The following MBD3L2B variants were observed in gnomAD, a reference collection of about 807,000 sequenced individuals.
MBD3L2B encodes the protein methyl-CpG-binding domain protein 3-like 2B.
For missense variants in MBD3L2B, 127 were observed against 78.7 expected, an observed-to-expected ratio of 1.61 and a Z score of -2.32; for synonymous variants, 50 against 31.6, an observed-to-expected ratio of 1.58 and a Z score of -1.95.
Position 7,019,315 on chromosome 19 carries a change from G to C in MBD3L2B, c.461C>G (p.Thr154Ser). 1.4e-6 allele frequency: 1 copy of C among 691,168 alleles called. No individual in the cohort carries two copies. Among genetic ancestry groups the C allele is most frequent in the African/African-American group, 1.9e-5 (1 of 53,906 alleles). 42.8% of individuals were successfully genotyped at this position (691,168 alleles called of 1,614,324 possible). The change falls in exon 2 of 2, where the codon ACC becomes AGC. Residue 154 changes from threonine (T) to serine (S), a missense_variant. Physicochemically the swap from Thr to Ser is moderately conservative, Grantham distance 58. Coordinates refer to ENST00000636986, the MANE Select transcript of MBD3L2B (RefSeq NM_001364674.2). ...GRFPAVAGGPTPGMGCQLPPP... is the reference protein window; with the variant it reads ...GRFPAVAGGPSPGMGCQLPPP... ...TGGGAGCTGACAACCCATTCCTGGG[G>C]TTGGCCCCCCTGCCACAGCTGGAAA... is the stretch of plus-strand genomic sequence containing the variant.
chr19:7,018,977 C>T lies in MBD3L2B; in HGVS notation c.*184G>A. On this transcript the variant is annotated 3_prime_UTR_variant, in exon 2 of 2. Coordinates refer to ENST00000636986, the MANE Select transcript of MBD3L2B (RefSeq NM_001364674.2). ...ATCCACTCCTTACACTGTTGCCTTT[C>T]AAATGCTTTTAATAAAGAACTGGTG... 1.5e-6 allele frequency: 1 copy of T among 653,222 alleles called. No homozygotes were observed. The highest frequency in any genetic ancestry group is 2.8e-6 in the Non-Finnish European group (1 of 363,332). The allele number at this position is 653,222 out of a possible 1,614,324, so 40.5% of individuals were successfully genotyped here.
Position 7,019,501 on chromosome 19 carries a change from C to T in MBD3L2B, c.275G>A (p.Arg92Lys). The T allele has an allele frequency of 2.1e-6, 1 of 482,028 alleles. No individual in the cohort carries two copies. The highest frequency in any genetic ancestry group is 3.5e-6 in the Non-Finnish European group (1 of 285,570). 29.9% of individuals were successfully genotyped at this position (482,028 alleles called of 1,614,324 possible). The change falls in exon 2 of 2, where the codon AGA becomes AAA. Residue 92 changes from arginine (R) to lysine (K), a missense_variant. Coordinates refer to ENST00000636986, the MANE Select transcript of MBD3L2B (RefSeq NM_001364674.2). ...GCTGCAGGGCTGCAGGGCCTGCAGT[C>T]TCCGGTAGGCGCAGAGTTGCTGCGG... ...EKPQQLCAYR[R>K]LQALQPCSSQ... is the part of the protein sequence containing the mutation.
At position 7,019,617 on chromosome 19, in the gene MBD3L2B, G is replaced by A. The variant is rs1370012477; in HGVS notation, c.159C>T (p.Thr53=). The change falls in exon 2 of 2, where the codon ACC becomes ACT. Residue 53 remains threonine, a synonymous_variant. Transcript: ENST00000636986. ...TCACCGGCCTCCGGAAGATGCAGCT[G>A]GTGAGTCTCATGGGGAGAGCAGACC... is the stretch of plus-strand genomic sequence containing the variant. ...AARSALPMRL[T]SCIFRRPVTR... 1 of 408,702 alleles carries A rather than the reference G, an allele frequency of 2.4e-6. No homozygotes were observed. Among genetic ancestry groups the A allele is most frequent in the East Asian group, 3.7e-5 (1 of 27,250 alleles). The allele number at this position is 408,702 out of a possible 1,614,324, so 25.3% of individuals were successfully genotyped here. A position where few individuals can be genotyped will look rare whatever the true frequency, so the allele number is the denominator to read the frequency against.
At position 7,019,424 on chromosome 19, in the gene MBD3L2B, G is replaced by A. The variant is rs1253354997; in HGVS notation, c.352C>T (p.Leu118Phe). The change falls in exon 2 of 2, where the codon CTT becomes TTT. Residue 118 changes from leucine (L) to phenylalanine (F), a missense_variant. Physicochemically the swap from Leu to Phe is conservative, Grantham distance 22. Transcript: ENST00000636986. ...GATTCACCGGCCGTCCCCGGTGCAA[G>A]GATACTTAAGACGCTCTCCAAATGC... ...PLHLESVLSI[L>F]APGTAGESLD... 3 of 591,088 alleles carry A rather than the reference G, an allele frequency of 5.1e-6. No individual in the cohort carries two copies. Among genetic ancestry groups the A allele is most frequent in the Non-Finnish European group, 9.0e-6 (3 of 334,166 alleles). The allele number at this position is 591,088 out of a possible 1,614,324, so 36.6% of individuals were successfully genotyped here.
In MBD3L2B at chr19:7,019,044, G is replaced by T. The variant is rs549656209; in HGVS notation, c.*117C>A. 1.7e-5 allele frequency: 12 copies of T among 699,204 alleles called. No homozygotes were observed. Among genetic ancestry groups the T allele is most frequent in the Admixed American group, 1.0e-4 (5 of 49,020 alleles). The allele number at this position is 699,204 out of a possible 1,614,324, so 43.3% of individuals were successfully genotyped here. Reference sequence around the variant, plus strand: ...GACAATTCATAGCAGGAAAGAGGACGGGCATTAAAAGATAGGGATTCAAAA... The same window carrying T: ...GACAATTCATAGCAGGAAAGAGGACTGGCATTAAAAGATAGGGATTCAAAA... On this transcript the variant is annotated 3_prime_UTR_variant, in exon 2 of 2. Coordinates refer to ENST00000636986, the MANE Select transcript of MBD3L2B (RefSeq NM_001364674.2).
rs187552001 is a variant in MBD3L2B at position 7,019,011 on chromosome 19, C to A, written c.*150G>T. The A allele has an allele frequency of 3.8e-4, 253 of 674,418 alleles. 1 individual carries two copies. In the East Asian group the frequency reaches 6.1e-3, roughly 16 times the overall value. 41.8% of individuals were successfully genotyped at this position (674,418 alleles called of 1,614,324 possible). ...TTAATAAAGAACTGGTGGGGAAGTA[C>A]AAAGTGTGACAATTCATAGCAGGAA... is the stretch of plus-strand genomic sequence containing the variant. On this transcript the variant is annotated 3_prime_UTR_variant, in exon 2 of 2. Coordinates refer to ENST00000636986, the MANE Select transcript of MBD3L2B (RefSeq NM_001364674.2).
At position 7,019,171 on chromosome 19, in the gene MBD3L2B, G is replaced by A. The variant is rs1437089345; in HGVS notation, c.605C>T (p.Ala202Val). Residue 202 changes from alanine to valine, a missense_variant, in exon 2 of 2, where the codon GCA becomes GTA. By Grantham distance (64) the Ala-to-Val change is moderately conservative (BLOSUM62 0). Transcript: ENST00000636986. ...ALQADRLARR[A>V]EM ...CACTTCATCCACCTGTCACATTTCT[G>A]CCCGCCTGGCCAGCCTGTCTGCCTG... The A allele has an allele frequency of 2.8e-6, 2 of 718,980 alleles. No homozygotes were observed. Among genetic ancestry groups the A allele is most frequent in the South Asian group, 1.5e-5 (1 of 67,634 alleles). 44.5% of individuals were successfully genotyped at this position (718,980 alleles called of 1,614,324 possible).
Position 7,019,091 on chromosome 19 carries a change from T to C in MBD3L2B, c.*70A>G, listed in dbSNP as rs1976760066. ...AAAACCCAGGACTGTCCCCACTGAC[T>C]CACCCCCCAACTGCGGGGCCACACC... On this transcript the variant is annotated 3_prime_UTR_variant, in exon 2 of 2. Coordinates refer to ENST00000636986, the MANE Select transcript of MBD3L2B (RefSeq NM_001364674.2). The C allele has an allele frequency of 1.4e-6, 1 of 716,592 alleles. No individual in the cohort carries two copies. Among genetic ancestry groups the C allele is most frequent in the Middle Eastern group, 2.3e-4 (1 of 4,336 alleles). The allele number at this position is 716,592 out of a possible 1,614,324, so 44.4% of individuals were successfully genotyped here. A position where few individuals can be genotyped will look rare whatever the true frequency, so the allele number is the denominator to read the frequency against.
Position 7,019,292 on chromosome 19 carries a change from G to A in MBD3L2B, c.484C>T (p.Pro162Ser). The change falls in exon 2 of 2, where the codon CCA becomes TCA. Residue 162 changes from proline (P) to serine (S), a missense_variant. Coordinates refer to ENST00000636986, the MANE Select transcript of MBD3L2B (RefSeq NM_001364674.2). ...GPTPGMGCQL[P>S]PPLSGQLVTP... ...ACCAATTGGCCAGAGAGGGGCGGTG[G>A]GAGCTGACAACCCATTCCTGGGGTT... 1.4e-6 allele frequency: 1 copy of A among 702,028 alleles called. No individual in the cohort carries two copies. The highest frequency in any genetic ancestry group is 2.6e-6 in the Non-Finnish European group (1 of 381,248). The allele number at this position is 702,028 out of a possible 1,614,324, so 43.5% of individuals were successfully genotyped here. A position where few individuals can be genotyped will look rare whatever the true frequency, so the allele number is the denominator to read the frequency against.
chr19:7,019,119 A>G lies in MBD3L2B; in HGVS notation c.*42T>C. The G allele has an allele frequency of 1.4e-6, 1 of 718,314 alleles. No homozygotes were observed. The highest frequency in any genetic ancestry group is 2.6e-6 in the Non-Finnish European group (1 of 385,074). 44.5% of individuals were successfully genotyped at this position (718,314 alleles called of 1,614,324 possible). On this transcript the variant is annotated 3_prime_UTR_variant, in exon 2 of 2. Coordinates refer to ENST00000636986, the MANE Select transcript of MBD3L2B (RefSeq NM_001364674.2). ...CCCCCCAACTGCGGGGCCACACCCCACAGCTTCTCAGCACCCCCTCCTCCT... is the reference window on the plus strand; with the variant it reads ...CCCCCCAACTGCGGGGCCACACCCCGCAGCTTCTCAGCACCCCCTCCTCCT...
In MBD3L2B at chr19:7,018,989, A is replaced by T. The variant is rs978164808; in HGVS notation, c.*172T>A. ...CACTGTTGCCTTTCAAATGCTTTTAATAAAGAACTGGTGGGGAAGTACAAA... is the reference window on the plus strand; with the variant it reads ...CACTGTTGCCTTTCAAATGCTTTTATTAAAGAACTGGTGGGGAAGTACAAA... On this transcript the variant is annotated 3_prime_UTR_variant, in exon 2 of 2. Transcript: ENST00000636986. 12 of 656,610 alleles carry T rather than the reference A, an allele frequency of 1.8e-5. No homozygotes were observed. The highest frequency in any genetic ancestry group is 3.0e-5 in the Non-Finnish European group (11 of 364,280). The allele number at this position is 656,610 out of a possible 1,614,324, so 40.7% of individuals were successfully genotyped here. A position where few individuals can be genotyped will look rare whatever the true frequency, so the allele number is the denominator to read the frequency against.
In MBD3L2B at chr19:7,019,544, C is replaced by G. The variant is rs1254024282; in HGVS notation, c.232G>C (p.Asp78His). 41 of 453,534 alleles carry G rather than the reference C, an allele frequency of 9.0e-5. No homozygotes were observed. The highest frequency in any genetic ancestry group is 1.3e-4 in the Non-Finnish European group (35 of 270,920). The allele number at this position is 453,534 out of a possible 1,614,324, so 28.1% of individuals were successfully genotyped here. A position where few individuals can be genotyped will look rare whatever the true frequency, so the allele number is the denominator to read the frequency against. The part of the protein sequence containing the change: ...PDNQVRRRKG[D>H]EHLEKPQQLC... Reference sequence around the variant, plus strand: ...TGCTGCGGCTTCTCCAGGTGCTCGTCCCCTTTTCTGCGTCTGACCTGGTTG... The same window carrying G: ...TGCTGCGGCTTCTCCAGGTGCTCGTGCCCTTTTCTGCGTCTGACCTGGTTG... Residue 78 changes from aspartate (D) to histidine (H), a missense_variant, in exon 2 of 2, where the codon GAC (aspartate) becomes CAC (histidine). Physicochemically the swap from Asp to His is moderately conservative, Grantham distance 81. Transcript: ENST00000636986.
Position 7,019,048 on chromosome 19 carries a change from A to G in MBD3L2B, c.*113T>C, listed in dbSNP as rs1976759154. On this transcript the variant is annotated 3_prime_UTR_variant, in exon 2 of 2. Coordinates refer to ENST00000636986, the MANE Select transcript of MBD3L2B (RefSeq NM_001364674.2). ...ATTCATAGCAGGAAAGAGGACGGGC[A>G]TTAAAAGATAGGGATTCAAAACCCA... The G allele has an allele frequency of 8.5e-6, 6 of 702,978 alleles. No homozygotes were observed. Among genetic ancestry groups the G allele is most frequent in the Admixed American group, 6.1e-5 (3 of 49,304 alleles). The allele number at this position is 702,978 out of a possible 1,614,324, so 43.5% of individuals were successfully genotyped here.
At position 7,019,506 on chromosome 19, in the gene MBD3L2B, G is replaced by A. The variant is rs1231647600; in HGVS notation, c.270C>T (p.Tyr90=). The A allele has an allele frequency of 2.1e-4, 101 of 478,994 alleles. 2 individuals carry two copies. The highest frequency in any genetic ancestry group is 3.5e-4 in the Non-Finnish European group (98 of 284,030). 29.7% of individuals were successfully genotyped at this position (478,994 alleles called of 1,614,324 possible). A position where few individuals can be genotyped will look rare whatever the true frequency, so the allele number is the denominator to read the frequency against. ...AGGGCTGCAGGGCCTGCAGTCTCCG[G>A]TAGGCGCAGAGTTGCTGCGGCTTCT... is the stretch of plus-strand genomic sequence containing the variant. ...HLEKPQQLCA[Y]RRLQALQPCS... is the part of the protein sequence containing the mutation. The change falls in exon 2 of 2, where the codon TAC becomes TAT. Residue 90 remains tyrosine (Y), a synonymous_variant. Transcript: ENST00000636986.
In MBD3L2B at chr19:7,019,416, C is replaced by T. The variant is rs552712852; in HGVS notation, c.360G>A (p.Pro120=). 549 of 599,056 alleles carry T rather than the reference C, an allele frequency of 9.2e-4. 6 individuals are homozygous for T. In the African/African-American group the frequency reaches 0.011, roughly 12 times the overall value. 37.1% of individuals were successfully genotyped at this position (599,056 alleles called of 1,614,324 possible). Residue 120 remains proline (P), a synonymous_variant, in exon 2 of 2, where the codon CCG becomes CCA. Coordinates refer to ENST00000636986, the MANE Select transcript of MBD3L2B (RefSeq NM_001364674.2). The part of the protein sequence containing the change: ...HLESVLSILA[P]GTAGESLDRA... ...TGTCCAGAGATTCACCGGCCGTCCCCGGTGCAAGGATACTTAAGACGCTCT... is the reference window on the plus strand; with the variant it reads ...TGTCCAGAGATTCACCGGCCGTCCCTGGTGCAAGGATACTTAAGACGCTCT...
rs536776128 is a variant in MBD3L2B, at chr19:7,019,120, C to A, written c.*41G>T. The A allele has an allele frequency of 2.9e-5, 21 of 718,366 alleles. No homozygotes were observed. In the Middle Eastern group the frequency reaches 6.9e-4, roughly 23 times the overall value. 44.5% of individuals were successfully genotyped at this position (718,366 alleles called of 1,614,324 possible). ...CCCCCAACTGCGGGGCCACACCCCACAGCTTCTCAGCACCCCCTCCTCCTG... is the reference window on the plus strand; with the variant it reads ...CCCCCAACTGCGGGGCCACACCCCAAAGCTTCTCAGCACCCCCTCCTCCTG... On this transcript the variant is annotated 3_prime_UTR_variant, in exon 2 of 2. Transcript: ENST00000636986.
rs1376115144 is a variant in MBD3L2B at position 7,019,408 on chromosome 19, G to T, written c.368C>A (p.Ala123Asp). 1.3e-5 allele frequency: 8 copies of T among 605,142 alleles called. No homozygotes were observed. The highest frequency in any genetic ancestry group is 2.4e-5 in the Admixed American group (1 of 40,996). 37.5% of individuals were successfully genotyped at this position (605,142 alleles called of 1,614,324 possible). Residue 123 changes from alanine (A) to aspartate (D), a missense_variant, in exon 2 of 2, where the codon GCC (alanine) becomes GAC (aspartate). By Grantham distance (126) the Ala-to-Asp change is moderately radical. Coordinates refer to ENST00000636986, the MANE Select transcript of MBD3L2B (RefSeq NM_001364674.2). ...SVLSILAPGT[A>D]GESLDRAGAE... is the part of the protein sequence containing the mutation. ...ACCAGCTCTGTCCAGAGATTCACCG[G>T]CCGTCCCCGGTGCAAGGATACTTAA...
chr19:7,019,149 T>G lies in MBD3L2B; in HGVS notation c.*12A>C. 1 of 718,794 alleles carries G rather than the reference T, an allele frequency of 1.4e-6. No individual in the cohort carries two copies. The highest frequency in any genetic ancestry group is 1.5e-5 in the South Asian group (1 of 67,620). The allele number at this position is 718,794 out of a possible 1,614,324, so 44.5% of individuals were successfully genotyped here. ...TTCTCAGCACCCCCTCCTCCTGCAC[T>G]TCATCCACCTGTCACATTTCTGCCC... On this transcript the variant is annotated 3_prime_UTR_variant, in exon 2 of 2. Transcript: ENST00000636986.
Position 7,018,997 on chromosome 19 carries a change from C to A in MBD3L2B, c.*164G>T. 1.5e-6 allele frequency: 1 copy of A among 661,632 alleles called. No individual in the cohort carries two copies. Among genetic ancestry groups the A allele is most frequent in the Non-Finnish European group, 2.7e-6 (1 of 365,664 alleles). The allele number at this position is 661,632 out of a possible 1,614,324, so 41.0% of individuals were successfully genotyped here. A position where few individuals can be genotyped will look rare whatever the true frequency, so the allele number is the denominator to read the frequency against. On this transcript the variant is annotated 3_prime_UTR_variant, in exon 2 of 2. Transcript: ENST00000636986. ...CCTTTCAAATGCTTTTAATAAAGAA[C>A]TGGTGGGGAAGTACAAAGTGTGACA...
Sources: gnomAD v4.1 joint callset for allele counts on GRCh38, gnomAD v4.1.1 for gene constraint, MANE v1.5 for transcripts, NCBI Gene and HGNC (gene_info 2026-07-23, HGNC 2026-07-21) for gene names.